LSAMP: variants seen among roughly 807,000 people sequenced by gnomAD.
The protein encoded by LSAMP is limbic system-associated membrane protein.
In LSAMP, 7 loss-of-function variants were observed where a neutral mutation model predicts 38.6. That is an observed-to-expected ratio of 0.18 (90% CI 0.10 to 0.34). The LOEUF is 0.34. LSAMP is among the 10% of genes least tolerant of loss of function. The probability of loss-of-function intolerance (pLI) is 1.00; values close to 1 mark genes in which losing one functional copy is unlikely to be tolerated. For missense variants in LSAMP, 313 were observed against 420.0 expected, an observed-to-expected ratio of 0.75 and a Z score of 2.23; for synonymous variants, 154 against 166.8, an observed-to-expected ratio of 0.92 and a Z score of 0.59.
chr3:115,977,859 G>A (rs1376258459), intron 3 of LSAMP, among the ~76,000 whole-genome samples: 7 of 151,550 alleles, frequency 4.6e-5, no homozygotes, highest in Non-Finnish European at 1.0e-4. Context: ...AACTAAAAAA[G>A]AAAGAAGACA....
At chr3:116,102,191 A>G (rs1209091626) in intron 1 of LSAMP, among the ~76,000 whole-genome samples, 2 of 152,214 alleles carry the variant, frequency 1.3e-5, no homozygotes, top group African/African-American at 4.8e-5. Context: ...GGCAACTAAA[A>G]TTTAGGCAGT....
chr3:116,025,959 T>A (rs1340813928), intron 2 of LSAMP, among the ~76,000 whole-genome samples: 1 of 152,224 alleles, frequency 6.6e-6, no homozygotes, highest in Non-Finnish European at 1.5e-5. Flanking sequence ...TTTCTTTCTT[T>A]TGTTTTTCTG....
intron 3 of LSAMP, among the ~76,000 whole-genome samples, chr3:116,014,497 TAAA>T (rs1447518027): frequency 6.6e-6 from 1 of 152,004 alleles, no homozygotes; most frequent in Non-Finnish European, 1.5e-5. Context: ...TATTGAAAAA[TAAA>T]AAATGCAAGA....
At chr3:116,056,437 C>G (rs1050952386) in intron 2 of LSAMP, among the ~76,000 whole-genome samples, 3 of 151,938 alleles carry the variant, frequency 2.0e-5, no homozygotes, top group Admixed American at 6.6e-5. Flanking sequence ...GAATAGAAAC[C>G]AAAACTAAAT....
In LSAMP at chr3:115,815,389, G is replaced by A. The variant is rs1409888962; in HGVS notation, c.920-4975C>T. 2.0e-5 allele frequency among the ~76,000 whole-genome samples: 3 copies of A among 152,052 alleles called. No individual in the cohort carries two copies. In the East Asian group the frequency reaches 5.8e-4, roughly 29 times the overall value. On this transcript the variant is annotated intron_variant, in intron 6 of 6. Transcript: ENST00000490035. ...GATAAGTGGGAACTACTACATCGAT[G>A]TTTTCTTTGAGTAATGGGTCTTAAA... is the stretch of plus-strand genomic sequence containing the variant.
At chr3:116,071,235 G>T (rs894782451) in intron 2 of LSAMP, among the ~76,000 whole-genome samples, 1 of 149,526 alleles carries the variant, frequency 6.7e-6, no homozygotes, top group Non-Finnish European at 1.5e-5. Context: ...GGCTAAAGAA[G>T]AAAAAATAAA....
At chr3:116,029,003 A>G (rs1377224121) in intron 2 of LSAMP, among the ~76,000 whole-genome samples, 2 of 152,108 alleles carry the variant, frequency 1.3e-5, no homozygotes, top group African/African-American at 4.8e-5. Context: ...TGAGTGAAAT[A>G]ATTTTCACCA....
chr3:116,023,695 T>C (rs1940704063), intron 2 of LSAMP, among the ~76,000 whole-genome samples: 1 of 151,780 alleles, frequency 6.6e-6, no homozygotes, highest in Non-Finnish European at 1.5e-5. Flanking sequence ...CAATCAGATA[T>C]TTTTTTCCTA....
At chr3:115,985,770 C>T (rs952877251) in intron 3 of LSAMP, among the ~76,000 whole-genome samples, 1 of 152,200 alleles carries the variant, frequency 6.6e-6, no homozygotes, top group Non-Finnish European at 1.5e-5. Context: ...CCAACATCTA[C>T]AACCATGTAG....
At chr3:116,390,552 G>C (rs188728992) in intron 1 of LSAMP, among the ~76,000 whole-genome samples, 15 of 152,090 alleles carry the variant, frequency 9.9e-5, no homozygotes, top group Non-Finnish European at 1.5e-4. Flanking sequence ...AGGAATGCAA[G>C]TAGGCAATGG....
chr3:116,278,687 C>A (rs1211108956), intron 1 of LSAMP, among the ~76,000 whole-genome samples: 1 of 152,056 alleles, frequency 6.6e-6, no homozygotes, highest in Non-Finnish European at 1.5e-5. Flanking sequence ...AAAGTTAGCT[C>A]TTTTGATGAT....
At chr3:116,435,798 A>T (rs544810828) in intron 1 of LSAMP, among the ~76,000 whole-genome samples, 1 of 152,312 alleles carries the variant, frequency 6.6e-6, no homozygotes, top group Non-Finnish European at 1.5e-5. Flanking sequence ...GTGTTCAAAG[A>T]ATATCTACAT....
chr3:116,438,132 T>C (rs1264360518), intron 1 of LSAMP, among the ~76,000 whole-genome samples: 1 of 151,580 alleles, frequency 6.6e-6, no homozygotes, highest in South Asian at 2.1e-4. Flanking sequence ...AAGATACTTG[T>C]GACTTTAAAG....
At chr3:115,932,034 C>T (rs1458963334) in intron 3 of LSAMP, among the ~76,000 whole-genome samples, 1 of 151,948 alleles carries the variant, frequency 6.6e-6, no homozygotes, top group Non-Finnish European at 1.5e-5. Flanking sequence ...ATTGTTGAGA[C>T]AGACATTAAT....
chr3:116,164,156 C>T (rs917912194), intron 1 of LSAMP, among the ~76,000 whole-genome samples: 3 of 152,084 alleles, frequency 2.0e-5, no homozygotes, highest in African/African-American at 4.8e-5. Flanking sequence ...TTAATCCAAA[C>T]ATACACCATG....
intron 1 of LSAMP, among the ~76,000 whole-genome samples, chr3:116,385,456 C>A (rs375339212): frequency 6.6e-6 from 1 of 152,106 alleles, no homozygotes; most frequent in South Asian, 2.1e-4. Context: ...CTTAAAGATG[C>A]AAGGAAAACA....
At chr3:116,113,445 A>G (rs1360244073) in intron 1 of LSAMP, among the ~76,000 whole-genome samples, 7 of 13,138 alleles carry the variant, frequency 5.3e-4, no homozygotes, top group Non-Finnish European at 1.4e-3. Context: ...TTTTTTTTTG[A>G]GATGGAGTCT....
rs550468315 is a variant in LSAMP, at chr3:115,809,707, A to G, written c.*610T>C. On this transcript the variant is annotated 3_prime_UTR_variant, in exon 7 of 7. Coordinates refer to ENST00000490035, the MANE Select transcript of LSAMP (RefSeq NM_002338.5). ...GAGGAAAGGTGGGTGAAAAGGGAGT[A>G]TCTAGGGTGGGTGTGGGGGAGATAG... The G allele has an allele frequency of 6.6e-6, 1 of 152,246 alleles. No individual in the cohort carries two copies. The highest frequency in any genetic ancestry group is 2.1e-4 in the South Asian group (1 of 4,802). The allele number at this position is 152,246 out of a possible 1,614,324, so 9.4% of individuals were successfully genotyped here. A position where few individuals can be genotyped will look rare whatever the true frequency, so the allele number is the denominator to read the frequency against.
intron 1 of LSAMP, among the ~76,000 whole-genome samples, chr3:116,105,864 G>C (rs1352843974): frequency 6.6e-6 from 1 of 152,010 alleles, no homozygotes; most frequent in Non-Finnish European, 1.5e-5. Flanking sequence ...AAAATTTTTG[G>C]GGGGTGGTAT....
Sources: gnomAD v4.1 joint callset for allele counts (sites outside exome capture counted in the v4.1 genomes callset) on GRCh38, gnomAD v4.1.1 for gene constraint, MANE v1.5 for transcripts, NCBI Gene and HGNC (gene_info 2026-07-23, HGNC 2026-07-21) for gene names.